The following SOX5 variants were observed in gnomAD, a reference collection of about 807,000 sequenced individuals.
SOX5 encodes the protein transcription factor SOX-5.
In SOX5, 9 loss-of-function variants were observed where a neutral mutation model predicts 92.0. That is an observed-to-expected ratio of 0.10 (90% CI 0.06 to 0.17). SOX5 has a LOEUF of 0.17. Among genes scored for constraint, SOX5 ranks in the 10% least tolerant of loss-of-function variants. The pLI is 1.00. For synonymous variants in SOX5, 344 were observed against 336.3 expected, an observed-to-expected ratio of 1.02 and a Z score of -0.25; for missense variants, 642 against 944.5, an observed-to-expected ratio of 0.68 and a Z score of 4.20.
chr12:24,455,654 A>T (rs1942924468), intron 1 of SOX5, among the ~76,000 whole-genome samples: 1 of 152,178 alleles, frequency 6.6e-6, no homozygotes, highest in African/African-American at 2.4e-5. Flanking sequence ...CATCCCTGAA[A>T]GTGATAGCAT....
chr12:24,217,176 A>G (rs958666152), intron 3 of SOX5, among the ~76,000 whole-genome samples: 9 of 152,328 alleles, frequency 5.9e-5, no homozygotes, highest in East Asian at 1.9e-4. Context: ...TCAAACCTTA[A>G]AGGGGTTCTT....
intron 7 of SOX5, among the ~76,000 whole-genome samples, chr12:23,651,565 A>C (rs562476402): frequency 3.3e-5 from 5 of 152,150 alleles, no homozygotes; most frequent in African/African-American, 1.2e-4. Context: ...TATGAAAATA[A>C]GACATATAAA....
intron 4 of SOX5, among the ~76,000 whole-genome samples, chr12:23,988,822 A>C (rs1950288606): frequency 6.6e-6 from 1 of 152,096 alleles, no homozygotes; most frequent in Non-Finnish European, 1.5e-5. Flanking sequence ...TAAGGGATTA[A>C]GTTTTCTAAG....
chr12:24,177,895 GTGTGTGTTTCAATAGGA>G (rs1955005430), intron 4 of SOX5, among the ~76,000 whole-genome samples: 1 of 152,144 alleles, frequency 6.6e-6, no homozygotes, highest in Admixed American at 6.6e-5. Flanking sequence ...TTGTTTTAGT[GTGTGTGTTTCAATAGGA>G]TCCTTACCAA....
chr12:24,528,731 A>G (rs1051065896), intron 1 of SOX5, among the ~76,000 whole-genome samples: 2 of 152,196 alleles, frequency 1.3e-5, no homozygotes, highest in African/African-American at 2.4e-5. Context: ...TGAAAATCTC[A>G]TCCAGCATCC....
In SOX5 at chr12:23,858,717, G is replaced by A. The variant is rs117360649; in HGVS notation, c.271-12524C>T. 6.4e-3 allele frequency among the ~76,000 whole-genome samples: 978 copies of A among 152,220 alleles called. 4 individuals carry two copies. Among genetic ancestry groups the A allele is most frequent in the Non-Finnish European group, 8.6e-3 (585 of 68,000 alleles). ...TGAGTATATACCCAGAGGAATATAA[G>A]GCATTCTACAGAAACCTGCATGTGA... is the stretch of plus-strand genomic sequence containing the variant. On this transcript the variant is annotated intron_variant, in intron 2 of 14. Transcript: ENST00000451604.
chr12:24,012,356 C>T (rs778165161), intron 4 of SOX5, among the ~76,000 whole-genome samples: 3 of 152,074 alleles, frequency 2.0e-5, no homozygotes, highest in Non-Finnish European at 4.4e-5. Flanking sequence ...TATTTTTCCA[C>T]ACTGGAAAGA....
intron 11 of SOX5, among the ~76,000 whole-genome samples, chr12:23,562,747 A>G (rs1000483468): frequency 6.6e-6 from 1 of 152,212 alleles, no homozygotes; most frequent in Non-Finnish European, 1.5e-5. Flanking sequence ...TTTAATAAGT[A>G]CATTTTGTTT....
chr12:23,772,872 T>C (rs2094978056), intron 3 of SOX5, among the ~76,000 whole-genome samples: 1 of 152,202 alleles, frequency 6.6e-6, no homozygotes, highest in Admixed American at 6.5e-5. Context: ...AAGTAATTTA[T>C]TGACCAAGTA....
At chr12:24,201,844 T>G (rs1957549826) in intron 4 of SOX5, among the ~76,000 whole-genome samples, 1 of 152,232 alleles carries the variant, frequency 6.6e-6, no homozygotes, top group Non-Finnish European at 1.5e-5. Context: ...AGCTTTTGTT[T>G]GATTACTGAT....
chr12:24,222,376 T>C (rs1413432383), intron 3 of SOX5, among the ~76,000 whole-genome samples: 1 of 152,056 alleles, frequency 6.6e-6, no homozygotes, highest in African/African-American at 2.4e-5. Flanking sequence ...GTGGTGAATG[T>C]GGAATTTTTT....
At chr12:24,452,446 T>A (rs1942446049) in intron 1 of SOX5, among the ~76,000 whole-genome samples, 1 of 152,194 alleles carries the variant, frequency 6.6e-6, no homozygotes, top group Non-Finnish European at 1.5e-5. Flanking sequence ...TGGCCACTAA[T>A]GCCACCTCCC....
intron 6 of SOX5, among the ~76,000 whole-genome samples, chr12:23,679,016 T>C (rs1243577971): frequency 6.6e-6 from 1 of 152,116 alleles, no homozygotes; most frequent in Non-Finnish European, 1.5e-5. Context: ...TCTTCTAAAG[T>C]ATGGATAATG....
At chr12:24,322,030 G>A (rs1322225149) in intron 2 of SOX5, among the ~76,000 whole-genome samples, 1 of 151,972 alleles carries the variant, frequency 6.6e-6, no homozygotes, top group Non-Finnish European at 1.5e-5. Context: ...TGGCATTTTG[G>A]GCACACAATT....
At chr12:23,882,452 T>C (rs547154909) in intron 2 of SOX5, among the ~76,000 whole-genome samples, 2 of 152,182 alleles carry the variant, frequency 1.3e-5, no homozygotes, top group East Asian at 3.9e-4. Context: ...CTTTAGGATG[T>C]TCATGCAGGA....
intron 7 of SOX5, among the ~76,000 whole-genome samples, chr12:23,658,333 C>T (rs768925275): frequency 6.6e-6 from 1 of 152,122 alleles, no homozygotes; most frequent in Non-Finnish European, 1.5e-5. Context: ...ACTGTCACCA[C>T]ATAATTATGG....
At chr12:24,332,569 A>G (rs1339053657) in intron 2 of SOX5, among the ~76,000 whole-genome samples, 1 of 152,182 alleles carries the variant, frequency 6.6e-6, no homozygotes, top group Non-Finnish European at 1.5e-5. Context: ...AAAATTAAAA[A>G]ATAAATCTAA....
chr12:24,410,403 A>C (rs1352794597), intron 1 of SOX5, among the ~76,000 whole-genome samples: 1 of 152,186 alleles, frequency 6.6e-6, no homozygotes, highest in Non-Finnish European at 1.5e-5. Context: ...GTCCCTGAAG[A>C]TTCTTTTTAC....
At chr12:23,953,188 G>C (rs1285440702), upstream of SOX5, among the ~76,000 whole-genome samples, 1 of 151,976 alleles carries the variant, frequency 6.6e-6, no homozygotes, top group African/African-American at 2.4e-5. Flanking sequence ...CAAAAGGAAA[G>C]ACTGTTCCAA....
Sources: allele counts gnomAD v4.1 joint callset (sites outside exome capture counted in the v4.1 genomes callset), GRCh38; gene constraint gnomAD v4.1.1; transcripts MANE v1.5; gene names NCBI Gene and HGNC (gene_info 2026-07-23, HGNC 2026-07-21).